The following DLG2 variants were observed in gnomAD, a reference collection of about 807,000 sequenced individuals.
The protein encoded by DLG2 is discs large MAGUK scaffold protein 2, also known as disks large homolog 2.
DLG2 carries 45 observed loss-of-function variants against 132.5 expected under a neutral mutation model. The observed-to-expected ratio is 0.34, with a 90% CI of 0.27 to 0.44. DLG2 has a LOEUF of 0.44. Among genes scored for constraint, DLG2 ranks in the 20% least tolerant of loss-of-function variants. The pLI, the probability that DLG2 is intolerant of heterozygous loss-of-function variation, is 1.00. For missense variants in DLG2, 1,045 were observed against 1,196.9 expected, an observed-to-expected ratio of 0.87 and a Z score of 1.87; for synonymous variants, 424 against 419.6, an observed-to-expected ratio of 1.01 and a Z score of -0.13.
At chr11:83,511,530 A>G (rs73522608) in intron 21 of DLG2, among the ~76,000 whole-genome samples, 1,868 of 152,232 alleles carry the variant, frequency 0.012, 31 homozygotes, top group African/African-American at 0.042. Flanking sequence ...ATAGGCTATT[A>G]TAGTGCTAAA....
intron 6 of DLG2, among the ~76,000 whole-genome samples, chr11:84,777,324 T>TACAC (rs1555216561): frequency 2.8e-5 from 3 of 105,952 alleles, no homozygotes; most frequent in Admixed American, 1.1e-4. Context: ...TATATATATA[T>TACAC]ACGTTTTCTT....
chr11:84,564,802 C>T (rs1163888288), intron 6 of DLG2, among the ~76,000 whole-genome samples: 1 of 152,122 alleles, frequency 6.6e-6, no homozygotes, highest in East Asian at 1.9e-4. Context: ...GTGTCAGCTA[C>T]CTGAACTACA....
chr11:85,469,613 T>A (rs538869040), intron 3 of DLG2: 1 of 152,248 alleles, frequency 6.6e-6, no homozygotes, highest in African/African-American at 2.4e-5. Flanking sequence ...ATCCTTCAGT[T>A]AAAGGAACAA....
intron 6 of DLG2, among the ~76,000 whole-genome samples, chr11:84,859,399 T>C (rs1237895427): frequency 9.0e-5 from 13 of 145,232 alleles, no homozygotes; most frequent in African/African-American, 3.1e-4. Context: ...CATATATATG[T>C]ATATATACAT....
At chr11:83,861,630 C>T (rs576592523) in intron 16 of DLG2, among the ~76,000 whole-genome samples, 10 of 152,126 alleles carry the variant, frequency 6.6e-5, no homozygotes, top group South Asian at 6.2e-4. Flanking sequence ...GAAAGATAAA[C>T]GTCATATTTT....
chr11:84,830,058 T>C (rs1599110286), intron 6 of DLG2, among the ~76,000 whole-genome samples: 1 of 151,672 alleles, frequency 6.6e-6, no homozygotes, highest in Non-Finnish European at 1.5e-5. Flanking sequence ...TTATATATAA[T>C]ATACAAATAT....
At chr11:84,743,990 C>G (rs1431627876) in intron 6 of DLG2, among the ~76,000 whole-genome samples, 2 of 152,120 alleles carry the variant, frequency 1.3e-5, no homozygotes, top group Non-Finnish European at 2.9e-5. Context: ...TCCCAAAGTA[C>G]TGGAATTACA....
At chr11:85,449,775 T>C (rs2092160236) in intron 3 of DLG2, among the ~76,000 whole-genome samples, 1 of 132,172 alleles carries the variant, frequency 7.6e-6, no homozygotes, top group African/African-American at 2.9e-5. Flanking sequence ...TGCTTTCGAA[T>C]TGGAACTACC....
In DLG2 at chr11:84,886,368, TC is replaced by T. The variant is rs549681081; in HGVS notation, c.357+225292del. ...ACAAGATCATTTTCTTTACTGTTACTCATTGTCTACCAATCTATTATGGCTA... is the reference window on the plus strand; with the variant it reads ...ACAAGATCATTTTCTTTACTGTTACTATTGTCTACCAATCTATTATGGCTA... On this transcript the variant is annotated intron_variant, in intron 6 of 27. Transcript: ENST00000376104. Among the ~76,000 whole-genome samples the T allele has an allele frequency of 2.8e-4, 43 of 152,246 alleles. 1 individual carries two copies. The highest frequency in any genetic ancestry group is 2.4e-3 in the Admixed American group (37 of 15,284).
intron 6 of DLG2, among the ~76,000 whole-genome samples, chr11:84,546,003 G>A (rs1592046847): frequency 2.0e-5 from 3 of 152,058 alleles, no homozygotes; most frequent in South Asian, 2.1e-4. Flanking sequence ...TGATCCATCC[G>A]CCTCGGCCTC....
intron 6 of DLG2, among the ~76,000 whole-genome samples, chr11:84,697,317 AC>A (rs2058718059): frequency 6.6e-6 from 1 of 151,454 alleles, no homozygotes; most frequent in South Asian, 2.1e-4. Flanking sequence ...TATGGCATAA[AC>A]CTATTCATCC....
intron 3 of DLG2, among the ~76,000 whole-genome samples, chr11:85,472,832 A>C (rs1032270262): frequency 2.0e-5 from 3 of 152,214 alleles, no homozygotes; most frequent in South Asian, 2.1e-4. Context: ...GAATCGGGCG[A>C]AGGGACTGAA....
At chr11:84,842,280 C>G (rs1364355980) in intron 6 of DLG2, among the ~76,000 whole-genome samples, 1 of 151,936 alleles carries the variant, frequency 6.6e-6, no homozygotes, top group Non-Finnish European at 1.5e-5. Context: ...AACAATCTTG[C>G]TTGGTAGGCA....
At chr11:84,596,819 T>C (rs573977666) in intron 6 of DLG2, among the ~76,000 whole-genome samples, 1 of 152,290 alleles carries the variant, frequency 6.6e-6, no homozygotes, top group South Asian at 2.1e-4. Context: ...GTACGAAATA[T>C]ATCACTTTCC....
intron 7 of DLG2, among the ~76,000 whole-genome samples, chr11:84,449,236 A>G (rs543393167): frequency 2.0e-5 from 3 of 152,086 alleles, no homozygotes; most frequent in East Asian, 1.9e-4. Context: ...CAATTTATAC[A>G]GTAATAAATA....
At chr11:84,866,570 G>C (rs773019179) in intron 6 of DLG2, among the ~76,000 whole-genome samples, 1 of 152,172 alleles carries the variant, frequency 6.6e-6, no homozygotes, top group East Asian at 1.9e-4. Context: ...TTTGAGCCTG[G>C]CTATTTGAGC....
intron 18 of DLG2, among the ~76,000 whole-genome samples, chr11:83,737,247 T>C (rs1209998155): frequency 6.6e-6 from 1 of 152,228 alleles, no homozygotes; most frequent in Admixed American, 6.5e-5. Context: ...TTAATACAAC[T>C]CTTTTATCAG....
chr11:84,782,438 C>CCACACACA (rs10599798), intron 6 of DLG2, among the ~76,000 whole-genome samples: 2 of 147,950 alleles, frequency 1.4e-5, no homozygotes, highest in Admixed American at 6.8e-5. Flanking sequence ...ACTACCCCTA[C>CCACACACA]CACACACACA....
At chr11:85,264,337 G>A (rs2077094029) in intron 4 of DLG2, among the ~76,000 whole-genome samples, 1 of 152,118 alleles carries the variant, frequency 6.6e-6, no homozygotes, top group Admixed American at 6.6e-5. Context: ...AGGTACAAAT[G>A]GCCAGCTTAA....
Sources: gnomAD v4.1 joint callset for allele counts (sites outside exome capture counted in the v4.1 genomes callset) on GRCh38, gnomAD v4.1.1 for gene constraint, MANE v1.5 for transcripts, NCBI Gene and HGNC (gene_info 2026-07-23, HGNC 2026-07-21) for gene names.